POU3F3: variants seen among roughly 807,000 people sequenced by gnomAD.
POU3F3 encodes POU class 3 homeobox 3, also known as POU domain, class 3, transcription factor 3.
Under a neutral mutation model 8.6 loss-of-function variants are expected in POU3F3, and 1 was observed. The observed-to-expected ratio is 0.12, with a 90% CI of 0.04 to 0.55. The LOEUF (loss-of-function observed/expected upper bound fraction) is 0.55. Among genes scored for constraint, POU3F3 ranks in the 20% least tolerant of loss-of-function variants. The pLI is 0.91. For missense variants in POU3F3, 577 were observed against 690.7 expected, an observed-to-expected ratio of 0.84 and a Z score of 1.84; for synonymous variants, 418 against 327.4, an observed-to-expected ratio of 1.28 and a Z score of -2.99.
chr2:104,897,488 C>T, the POU3F3 span, among the ~76,000 whole-genome samples: 1 of 152,144 alleles, frequency 6.6e-6, no homozygotes, highest in African/African-American at 2.4e-5. Flanking sequence ...GGGGAAAACC[C>T]CCCTCCCCCT....
the POU3F3 span, among the ~76,000 whole-genome samples, chr2:104,898,915 A>G: frequency 6.6e-6 from 1 of 152,286 alleles, no homozygotes; most frequent in East Asian, 1.9e-4. Context: ...ATTCCTGCTA[A>G]TAGTATGACA....
chr2:104,914,260 A>G, the POU3F3 span, among the ~76,000 whole-genome samples: 1 of 152,230 alleles, frequency 6.6e-6, no homozygotes, highest in Non-Finnish European at 1.5e-5. Context: ...ATACTTATAA[A>G]TGGTGTTAAT....
chr2:104,882,589 A>G, the POU3F3 span, among the ~76,000 whole-genome samples: 1 of 152,260 alleles, frequency 6.6e-6, no homozygotes, highest in South Asian at 2.1e-4. Context: ...AGCCTCACCT[A>G]GGTTCTATAT....
chr2:104,869,028 G>T, the POU3F3 span, among the ~76,000 whole-genome samples: 23 of 152,190 alleles, frequency 1.5e-4, no homozygotes, highest in Non-Finnish European at 1.5e-4. Flanking sequence ...ACTGAAAACA[G>T]GTGGGGATGG....
At chr2:104,882,635 G>C in the POU3F3 span, among the ~76,000 whole-genome samples, 1 of 152,162 alleles carries the variant, frequency 6.6e-6, no homozygotes, top group Non-Finnish European at 1.5e-5. Context: ...TATCCACAGA[G>C]TGAATACTGG....
chr2:104,877,049 TACACACAC>T, the POU3F3 span, among the ~76,000 whole-genome samples: 1 of 150,542 alleles, frequency 6.6e-6, no homozygotes, highest in South Asian at 2.1e-4. Flanking sequence ...GACTGTGGTA[TACACACAC>T]ACACACACAC....
the POU3F3 span, among the ~76,000 whole-genome samples, chr2:104,918,798 T>C: frequency 1.3e-5 from 2 of 151,980 alleles, no homozygotes; most frequent in East Asian, 1.9e-4. Context: ...GGCTAATACA[T>C]AGAGTAATTA....
At position 104,858,074 on chromosome 2, in the gene POU3F3, T is replaced by C. The variant is rs1311470878; in HGVS notation, c.*1061T>C. On this transcript the variant is annotated 3_prime_UTR_variant, in exon 1 of 1. Transcript: ENST00000361360. ...CCACCGCTAATATTTTTTTTATTAA[T>C]ATTTTTTATTTTTTATTTCTGGACT... The C allele has an allele frequency of 6.6e-6, 1 of 152,214 alleles. No individual in the cohort carries two copies. The highest frequency in any genetic ancestry group is 1.5e-5 in the Non-Finnish European group (1 of 68,052). The allele number at this position is 152,214 out of a possible 1,614,324, so 9.4% of individuals were successfully genotyped here. A position where few individuals can be genotyped will look rare whatever the true frequency, so the allele number is the denominator to read the frequency against.
the POU3F3 span, among the ~76,000 whole-genome samples, chr2:104,922,325 T>C: frequency 7.1e-6 from 1 of 140,658 alleles, no homozygotes; most frequent in Non-Finnish European, 1.5e-5. Context: ...ACAGAAGCCA[T>C]CCTGGAGAAA....
the POU3F3 span, among the ~76,000 whole-genome samples, chr2:104,897,715 G>T: frequency 3.9e-5 from 6 of 152,208 alleles, no homozygotes; most frequent in Non-Finnish European, 8.8e-5. Flanking sequence ...CTTTTTGTCT[G>T]CACACTGCTG....
chr2:104,856,587 C>T lies in POU3F3; in HGVS notation c.1077C>T (p.Thr359=), dbSNP rs780354913. ...ACGGCAACGTGTTCTCGCAGACCAC[C>T]ATCTGCCGCTTCGAGGCCCTGCAGC... ...TLYGNVFSQT[T]ICRFEALQLS... The change falls in exon 1 of 1, where the codon ACC becomes ACT. Residue 359 remains threonine, a synonymous_variant. Coordinates refer to ENST00000361360, the MANE Select transcript of POU3F3 (RefSeq NM_006236.3). 2.5e-6 allele frequency: 4 copies of T among 1,614,168 alleles called. No individual in the cohort carries two copies. In the South Asian group the frequency reaches 4.4e-5, roughly 18 times the overall value.
rs1386537429 is a variant in POU3F3, at chr2:104,857,605, T to C, written c.*592T>C. ...GCTGCCTAAAGAGATCCACGGAAACTTTATTTCCTGGGAGCGACCTGAGAG... is the reference window on the plus strand; with the variant it reads ...GCTGCCTAAAGAGATCCACGGAAACCTTATTTCCTGGGAGCGACCTGAGAG... On this transcript the variant is annotated 3_prime_UTR_variant, in exon 1 of 1. Transcript: ENST00000361360. 1 of 153,658 alleles carries C rather than the reference T, an allele frequency of 6.5e-6. No homozygotes were observed. The highest frequency in any genetic ancestry group is 1.5e-5 in the Non-Finnish European group (1 of 68,014). 9.5% of individuals were successfully genotyped at this position (153,658 alleles called of 1,614,324 possible). A position where few individuals can be genotyped will look rare whatever the true frequency, so the allele number is the denominator to read the frequency against.
At chr2:104,878,549 T>G in the POU3F3 span, among the ~76,000 whole-genome samples, 7 of 152,280 alleles carry the variant, frequency 4.6e-5, no homozygotes, top group Non-Finnish European at 8.8e-5. Context: ...GCACTCTTAC[T>G]ATTCTAGTTA....
the POU3F3 span, chr2:104,866,063 G>T: frequency 1.3e-5 from 2 of 152,288 alleles, no homozygotes; most frequent in East Asian, 3.9e-4. Flanking sequence ...ATTCTACTTT[G>T]TACGCCTTAA....
the POU3F3 span, among the ~76,000 whole-genome samples, chr2:104,906,265 G>A: frequency 3.9e-5 from 6 of 152,096 alleles, no homozygotes; most frequent in African/African-American, 7.2e-5. Context: ...TGACTAGTTC[G>A]CAATCTGCAT....
chr2:104,919,175 A>T, the POU3F3 span, among the ~76,000 whole-genome samples: 1 of 152,144 alleles, frequency 6.6e-6, no homozygotes, highest in Non-Finnish European at 1.5e-5. Context: ...CTGGTCCATG[A>T]AAACATTTTA....
chr2:104,861,666 T>TA (rs1676657122), downstream of POU3F3, among the ~76,000 whole-genome samples: 1 of 152,230 alleles, frequency 6.6e-6, no homozygotes, highest in Non-Finnish European at 1.5e-5. Flanking sequence ...GAGAAGCCCT[T>TA]TGTCCTAGTC....
the POU3F3 span, among the ~76,000 whole-genome samples, chr2:104,889,801 C>T: frequency 2.6e-5 from 4 of 152,228 alleles, no homozygotes; most frequent in Non-Finnish European, 5.9e-5. Context: ...CAGTTTACAA[C>T]TTTCATAAAC....
the POU3F3 span, among the ~76,000 whole-genome samples, chr2:104,888,717 C>T: frequency 5.0e-4 from 76 of 152,238 alleles, 1 homozygote; most frequent in African/African-American, 1.8e-3. Flanking sequence ...TCCACCCACC[C>T]ACTTCCTTCC....
Sources: allele counts gnomAD v4.1 joint callset (sites outside exome capture counted in the v4.1 genomes callset), GRCh38; gene constraint gnomAD v4.1.1; transcripts MANE v1.5; gene names NCBI Gene and HGNC (gene_info 2026-07-23, HGNC 2026-07-21).